SGCZ: variants seen among roughly 807,000 people sequenced by gnomAD.
SGCZ encodes sarcoglycan zeta.
In SGCZ, 40 loss-of-function variants were observed where a neutral mutation model predicts 41.3. That is an observed-to-expected ratio of 0.97 (90% confidence interval 0.75 to 1.26). The LOEUF (loss-of-function observed/expected upper bound fraction) is 1.26. SGCZ is among the 50% of genes most tolerant of loss of function. The pLI is 0.00. For missense variants in SGCZ, 552 were observed against 369.8 expected (o/e 1.49, Z -4.04); for synonymous variants, 206 against 137.5 (o/e 1.50, Z -3.49).
At chr8:14,259,897 T>G (rs1799595052) in intron 3 of SGCZ, among the ~76,000 whole-genome samples, 1 of 152,102 alleles carries the variant, frequency 6.6e-6, no homozygotes, top group African/African-American at 2.4e-5. Flanking sequence ...TAAATTACCT[T>G]GGGCAGTATG....
At chr8:15,140,468 A>T (rs1481056401) in intron 1 of SGCZ, among the ~76,000 whole-genome samples, 2 of 152,214 alleles carry the variant, frequency 1.3e-5, no homozygotes, top group Non-Finnish European at 2.9e-5. Flanking sequence ...TAGAAAGATC[A>T]CTTATTTTTC....
chr8:14,473,087 T>C (rs1055348730), intron 2 of SGCZ, among the ~76,000 whole-genome samples: 5 of 152,110 alleles, frequency 3.3e-5, no homozygotes, highest in Non-Finnish European at 2.9e-5. Flanking sequence ...TCAGTTAAAA[T>C]AAATAACTAA....
At chr8:15,182,948 A>G (rs1197382003) in intron 1 of SGCZ, among the ~76,000 whole-genome samples, 1 of 152,146 alleles carries the variant, frequency 6.6e-6, no homozygotes, top group Non-Finnish European at 1.5e-5. Context: ...ACCTTTTTAA[A>G]CTTTTTTGTG....
intron 1 of SGCZ, among the ~76,000 whole-genome samples, chr8:15,220,935 T>G (rs1452632504): frequency 6.6e-6 from 1 of 152,028 alleles, no homozygotes; most frequent in African/African-American, 2.4e-5. Flanking sequence ...ACACCACACG[T>G]TCTCACTCAT....
At chr8:15,016,414 G>A (rs1736537043) in intron 1 of SGCZ, among the ~76,000 whole-genome samples, 1 of 152,182 alleles carries the variant, frequency 6.6e-6, no homozygotes, top group African/African-American at 2.4e-5. Flanking sequence ...GGTGGGGAGG[G>A]CTTAGAAATG....
At chr8:14,543,219 A>G (rs1186405969) in intron 2 of SGCZ, among the ~76,000 whole-genome samples, 1 of 152,046 alleles carries the variant, frequency 6.6e-6, no homozygotes, top group Non-Finnish European at 1.5e-5. Flanking sequence ...CTTGCTCCTA[A>G]TACTGTACTA....
chr8:14,315,843 T>TAA lies in SGCZ; in HGVS notation c.336+8258_336+8259dup, dbSNP rs143540826. On this transcript the variant is annotated intron_variant, in intron 3 of 7. Transcript: ENST00000382080. ...AAACTAAAACTGGTTCTAAGTAAAATAAAAAAAAATATAGTAGGAAAACAA... is the reference window on the plus strand; with the variant it reads ...AAACTAAAACTGGTTCTAAGTAAAATAAAAAAAAAAATATAGTAGGAAAACAA... 2.7e-5 allele frequency among the ~76,000 whole-genome samples: 4 copies of TAA among 148,282 alleles called. No individual in the cohort carries two copies. The East Asian group carries it at 7.9e-4, about 29-fold the overall frequency.
chr8:14,667,921 T>G (rs11995787), intron 1 of SGCZ, among the ~76,000 whole-genome samples: 90,004 of 151,932 alleles, frequency 0.59, 29,059 homozygotes, highest in African/African-American at 0.84. Context: ...AATACTTCAA[T>G]GAAAATTTCA....
chr8:14,518,534 C>T (rs1226528005), intron 2 of SGCZ, among the ~76,000 whole-genome samples: 1 of 151,986 alleles, frequency 6.6e-6, no homozygotes, highest in Non-Finnish European at 1.5e-5. Flanking sequence ...AGTTAATATA[C>T]ATTAAAATTT....
chr8:14,618,154 A>G (rs1053788977), intron 1 of SGCZ, among the ~76,000 whole-genome samples: 2 of 152,182 alleles, frequency 1.3e-5, no homozygotes, highest in Non-Finnish European at 2.9e-5. Context: ...ACTTGACAAT[A>G]AAATAACCAA....
intron 1 of SGCZ, among the ~76,000 whole-genome samples, chr8:14,860,714 GAA>G (rs1803713273): frequency 1.5e-5 from 2 of 133,406 alleles, no homozygotes; most frequent in African/African-American, 2.7e-5. Context: ...GAAAGAGAAA[GAA>G]AGAAAGAAAG....
At chr8:14,164,508 T>C in intron 5 of SGCZ, 72 bp downstream of exon 5, 1 of 1,571,150 alleles carries the variant, frequency 6.4e-7, no homozygotes. Flanking sequence ...TCCATCTTAT[T>C]AAGAAGCTCC....
At chr8:14,964,976 A>C (rs1801085798) in intron 1 of SGCZ, among the ~76,000 whole-genome samples, 1 of 152,066 alleles carries the variant, frequency 6.6e-6, no homozygotes, top group Admixed American at 6.6e-5. Context: ...CAGACAGACC[A>C]TTTACCTTTT....
chr8:14,821,450 A>T (rs1802080746), intron 1 of SGCZ, among the ~76,000 whole-genome samples: 1 of 152,056 alleles, frequency 6.6e-6, no homozygotes, highest in Non-Finnish European at 1.5e-5. Context: ...ATGAGGGAAA[A>T]CTTCCAAACT....
At chr8:14,536,654 C>A (rs1803305946) in intron 2 of SGCZ, among the ~76,000 whole-genome samples, 1 of 151,800 alleles carries the variant, frequency 6.6e-6, no homozygotes, top group Non-Finnish European at 1.5e-5. Flanking sequence ...GAAATAGAAG[C>A]ACTTAAACAT....
rs1803812349 is a variant in SGCZ, at chr8:14,551,463, ATTAT to A, written c.234+3265_234+3268del. ...ACTATTTCATATATATATTATATAT[ATTAT>A]ATATATTATATATTATATATATTAT... On this transcript the variant is annotated intron_variant, in intron 2 of 7. Coordinates refer to ENST00000382080, the MANE Select transcript of SGCZ (RefSeq NM_139167.4). Among the ~76,000 whole-genome samples the A allele has an allele frequency of 2.7e-4, 3 of 10,976 alleles. 1 individual carries two copies. The highest frequency in any genetic ancestry group is 1.1e-3 in the African/African-American group (3 of 2,738). 7.2% of individuals were successfully genotyped at this position (10,976 alleles called of 152,430 possible).
chr8:14,991,836 C>T (rs538880080), intron 1 of SGCZ, among the ~76,000 whole-genome samples: 9 of 151,108 alleles, frequency 6.0e-5, no homozygotes, highest in African/African-American at 1.7e-4. Context: ...CTCATCTAAT[C>T]GACACACAAA....
chr8:14,227,194 C>G (rs1451146688), intron 4 of SGCZ, among the ~76,000 whole-genome samples: 1 of 152,034 alleles, frequency 6.6e-6, no homozygotes, highest in African/African-American at 2.4e-5. Flanking sequence ...AGGCTGGTCT[C>G]TGAATTACGT....
intron 1 of SGCZ, among the ~76,000 whole-genome samples, chr8:15,023,561 A>G (rs892376972): frequency 3.3e-5 from 5 of 152,308 alleles, no homozygotes; most frequent in Admixed American, 1.3e-4. Flanking sequence ...AATGTTTGCC[A>G]CCAGTCAACA....
Sources: gnomAD v4.1 joint callset for allele counts (sites outside exome capture counted in the v4.1 genomes callset) on GRCh38, gnomAD v4.1.1 for gene constraint, MANE v1.5 for transcripts, NCBI Gene and HGNC (gene_info 2026-07-23, HGNC 2026-07-21) for gene names.